The following FAM193A variants were observed in gnomAD, a reference collection of about 807,000 sequenced individuals.
FAM193A encodes protein FAM193A.
Under a neutral mutation model 126.5 loss-of-function variants are expected in FAM193A, and 22 were observed. That is an observed-to-expected ratio of 0.17 (90% CI 0.12 to 0.25). FAM193A has a LOEUF of 0.25. Among genes scored for constraint, FAM193A ranks in the 10% least tolerant of loss-of-function variants. The pLI, the probability that FAM193A is intolerant of heterozygous loss-of-function variation, is 1.00. For synonymous variants in FAM193A, 761 were observed against 646.8 expected, an observed-to-expected ratio of 1.18 and a Z score of -2.68; for missense variants, 1,675 against 1,672.8, an observed-to-expected ratio of 1.00 and a Z score of -0.02.
At chr4:2,650,657 C>T (rs1004893365) in intron 7 of FAM193A, among the ~76,000 whole-genome samples, 6 of 152,174 alleles carry the variant, frequency 3.9e-5, no homozygotes, top group African/African-American at 1.2e-4. Flanking sequence ...CCAAGAGTGT[C>T]TCTGTTGACG....
intron 7 of FAM193A, among the ~76,000 whole-genome samples, chr4:2,649,836 G>A (rs1232514937): frequency 1.3e-5 from 2 of 152,218 alleles, no homozygotes; most frequent in Non-Finnish European, 2.9e-5. Flanking sequence ...TGCACAGCAG[G>A]AGGTGAGTGG....
chr4:2,595,446 A>G (rs976207404), intron 1 of FAM193A, among the ~76,000 whole-genome samples: 4 of 152,202 alleles, frequency 2.6e-5, no homozygotes, highest in African/African-American at 7.2e-5. Flanking sequence ...AGGTATAACA[A>G]TCTTGCCTTT....
intron 2 of FAM193A, among the ~76,000 whole-genome samples, chr4:2,598,706 C>G (rs1375317134): frequency 6.6e-6 from 1 of 152,212 alleles, no homozygotes; most frequent in African/African-American, 2.4e-5. Flanking sequence ...CAGAGAGCAT[C>G]AGGCTGAGGT....
intron 19 of FAM193A, among the ~76,000 whole-genome samples, chr4:2,707,992 C>T (rs1718500773): frequency 6.6e-6 from 1 of 152,180 alleles, no homozygotes; most frequent in South Asian, 2.1e-4. Flanking sequence ...TCAAGTGATC[C>T]TCCTGCCTTA....
At chr4:2,588,206 C>G (rs1740341664) in intron 1 of FAM193A, among the ~76,000 whole-genome samples, 1 of 152,208 alleles carries the variant, frequency 6.6e-6, no homozygotes, top group African/African-American at 2.4e-5. Context: ...CACATCTACT[C>G]CACTGCTCCC....
chr4:2,635,999 A>ACTTTTT (rs1744051247), intron 5 of FAM193A, among the ~76,000 whole-genome samples: 1 of 142,776 alleles, frequency 7.0e-6, no homozygotes, highest in African/African-American at 2.9e-5. Flanking sequence ...AAAAAGGACG[A>ACTTTTT]ATTTTTTTTT....
At chr4:2,727,423 G>A (rs1169182194) in intron 20 of FAM193A, among the ~76,000 whole-genome samples, 1 of 152,156 alleles carries the variant, frequency 6.6e-6, no homozygotes, top group Non-Finnish European at 1.5e-5. Flanking sequence ...TTGAGACACA[G>A]TCTCTCACTC....
At chr4:2,569,224 C>T (rs1440493005) in intron 1 of FAM193A, among the ~76,000 whole-genome samples, 1 of 151,938 alleles carries the variant, frequency 6.6e-6, no homozygotes, top group African/African-American at 2.4e-5. Context: ...ACCCTGGCCT[C>T]CCAAAGTGCT....
intron 19 of FAM193A, among the ~76,000 whole-genome samples, chr4:2,703,542 C>T (rs550026097): frequency 4.6e-5 from 7 of 152,280 alleles, no homozygotes; most frequent in South Asian, 4.1e-4. Flanking sequence ...CCACCGTGCC[C>T]GGACTCAATG....
At chr4:2,569,659 G>A (rs367928464) in intron 1 of FAM193A, among the ~76,000 whole-genome samples, 1 of 151,602 alleles carries the variant, frequency 6.6e-6, no homozygotes, top group Admixed American at 6.6e-5. Flanking sequence ...CACCACACCC[G>A]GTTAATTTTT....
intron 7 of FAM193A, among the ~76,000 whole-genome samples, chr4:2,655,993 C>T (rs77760003): frequency 0.031 from 4,733 of 152,160 alleles, 226 homozygotes; most frequent in African/African-American, 0.11. Context: ...TGCCTTGTTA[C>T]CTAGACTGTT....
intron 2 of FAM193A, chr4:2,608,021 C>T (rs1331356427): frequency 6.2e-7 from 1 of 1,603,708 alleles, no homozygotes; most frequent in Non-Finnish European, 8.5e-7. Context: ...GAATGTGCAC[C>T]ACGCACTTCA....
chr4:2,629,325 G>C (rs1422005316), intron 4 of FAM193A, among the ~76,000 whole-genome samples: 1 of 152,076 alleles, frequency 6.6e-6, no homozygotes, highest in Non-Finnish European at 1.5e-5. Flanking sequence ...ACCTTCTGTG[G>C]CTTTATTTTA....
Position 2,716,047 on chromosome 4 carries a change from T to A in FAM193A, c.4397T>A (p.Ile1466Asn), listed in dbSNP as rs756003825. 1 of 1,604,616 alleles carries A rather than the reference T, an allele frequency of 6.2e-7. No individual in the cohort carries two copies. Among genetic ancestry groups the A allele is most frequent in the Non-Finnish European group, 8.5e-7 (1 of 1,171,234 alleles). Reference sequence around the variant, plus strand: ...GATGATGTCTTTCTACCTAAAGATATTGACCTAGACAGTGTGGATATGGAT... The same window carrying A: ...GATGATGTCTTTCTACCTAAAGATAATGACCTAGACAGTGTGGATATGGAT... ...SIDDVFLPKD[I>N]DLDSVDMDET... is the part of the protein sequence containing the mutation. Residue 1466 changes from isoleucine to asparagine, a missense_variant, in exon 20 of 21, where the codon ATT (isoleucine) becomes AAT (asparagine). Ile to Asn is a moderately radical substitution (Grantham distance 149, BLOSUM62 -3). This residue lies in a region of FAM193A where 415 missense variants were observed against 396.7 expected (regional missense o/e 1.05). Coordinates refer to ENST00000637812, the MANE Select transcript of FAM193A (RefSeq NM_001366318.2).
intron 13 of FAM193A, among the ~76,000 whole-genome samples, chr4:2,680,786 C>T (rs1019558917): frequency 3.3e-5 from 5 of 151,978 alleles, no homozygotes; most frequent in African/African-American, 9.7e-5. Flanking sequence ...GGATTACAGG[C>T]GCCCACCACC....
In FAM193A at chr4:2,699,959, T is replaced by A; in HGVS notation, c.3787T>A (p.Ser1263Thr). 1 of 1,613,628 alleles carries A rather than the reference T, an allele frequency of 6.2e-7. No homozygotes were observed. The highest frequency in any genetic ancestry group is 8.5e-7 in the Non-Finnish European group (1 of 1,179,940). Residue 1263 changes from serine (S) to threonine (T), a missense_variant, in exon 19 of 21, where the codon TCA becomes ACA. By Grantham distance (58) the Ser-to-Thr change is moderately conservative. This residue lies in a region of FAM193A where 415 missense variants were observed against 396.7 expected (regional missense o/e 1.05). Coordinates refer to ENST00000637812, the MANE Select transcript of FAM193A (RefSeq NM_001366318.2). ...VPNSGNIHNG[S>T]LEQTEEPETS... ...TAACTCTGGAAACATCCACAATGGC[T>A]CACTAGAGCAAACTGAAGAACCAGA...
In FAM193A at chr4:2,642,310, C is replaced by A. The variant is rs548295781; in HGVS notation, c.1163+2451C>A. Reference sequence around the variant, plus strand: ...AGAGCGAGACTCCATCTCAAAAAAACACACAAAAAAATCAGAACAAGGTGT... The same window carrying A: ...AGAGCGAGACTCCATCTCAAAAAAAAACACAAAAAAATCAGAACAAGGTGT... On this transcript the variant is annotated intron_variant, in intron 6 of 20. Coordinates refer to ENST00000637812, the MANE Select transcript of FAM193A (RefSeq NM_001366318.2). Among the ~76,000 whole-genome samples, 18 of 151,924 alleles carry A rather than the reference C, an allele frequency of 1.2e-4. No homozygotes were observed. In the South Asian group the frequency reaches 3.1e-3, roughly 26 times the overall value.
rs573224626 is a variant in FAM193A, at chr4:2,632,819, G to C, written c.1038+1650G>C. On this transcript the variant is annotated intron_variant, in intron 5 of 20. Transcript: ENST00000637812. ...CAGCACAGCCTCCCCGTCTCTACCT[G>C]AGAGTCTGCCTGCCCTTCAGAGGTT... Among the ~76,000 whole-genome samples the C allele has an allele frequency of 1.7e-4, 26 of 152,178 alleles. No homozygotes were observed. In the South Asian group the frequency reaches 3.9e-3, roughly 23 times the overall value.
intron 2 of FAM193A, among the ~76,000 whole-genome samples, chr4:2,610,254 A>G (rs564861956): frequency 1.3e-5 from 2 of 151,916 alleles, no homozygotes; most frequent in Non-Finnish European, 2.9e-5. Flanking sequence ...AACAAAAAAA[A>G]CTCGCTAGTA....
Sources: allele counts gnomAD v4.1 joint callset (sites outside exome capture counted in the v4.1 genomes callset), GRCh38; gene constraint gnomAD v4.1.1; regional missense constraint gnomAD v4.1.1; transcripts MANE v1.5; gene names NCBI Gene and HGNC (gene_info 2026-07-23, HGNC 2026-07-21).